The following PRPH2 variants were observed in gnomAD, a reference collection of about 807,000 sequenced individuals.
PRPH2 encodes the protein peripherin-2.
Under a neutral mutation model 31.3 loss-of-function variants are expected in PRPH2, and 17 were observed. The observed-to-expected ratio is 0.54, with a 90% CI of 0.37 to 0.81. The LOEUF (loss-of-function observed/expected upper bound fraction) is 0.81, where lower values mean the gene tolerates loss of function less well. Among genes scored for constraint, PRPH2 ranks in the 40% least tolerant of loss-of-function variants. PRPH2 has a pLI of 0.00. For synonymous variants in PRPH2, 165 were observed against 184.4 expected, an observed-to-expected ratio of 0.89 and a Z score of 0.85; for missense variants, 430 against 439.7, an observed-to-expected ratio of 0.98 and a Z score of 0.20.
Position 42,699,494 on chromosome 6 carries a change from C to T in PRPH2, c.829-987G>A, listed in dbSNP as rs570081207. On this transcript the variant is annotated intron_variant, in intron 2 of 2. Coordinates refer to ENST00000230381, the MANE Select transcript of PRPH2 (RefSeq NM_000322.5). ...GTTCAAACCCGGGCACTTAGCCAGC[C>T]GTGTGACCAGGAAACCTCACTTTAT... Among the ~76,000 whole-genome samples the T allele has an allele frequency of 9.1e-4, 139 of 152,192 alleles. 1 individual carries two copies. The highest frequency in any genetic ancestry group is 7.9e-4 in the Non-Finnish European group (54 of 68,034).
At position 42,721,927 on chromosome 6, in the gene PRPH2, G is replaced by T. The variant is rs148513859; in HGVS notation, c.408C>A (p.Asn136Lys). 6.2e-7 allele frequency: 1 copy of T among 1,614,156 alleles called. No individual in the cohort carries two copies. The highest frequency in any genetic ancestry group is 2.2e-5 in the East Asian group (1 of 44,886). The stretch of plus-strand genomic sequence containing the variant: ...CTGTGTCCCGGTAGTACTTCATGCC[G>T]TTCTTGAGCCCTTGGCCCAGGGTGT... The part of the protein sequence containing the change: ...LENTLGQGLK[N>K]GMKYYRDTDT... Residue 136 changes from asparagine (N) to lysine (K), a missense_variant, in exon 1 of 3, where the codon AAC becomes AAA. By Grantham distance (94) the Asn-to-Lys change is moderately conservative (BLOSUM62 0). Coordinates refer to ENST00000230381, the MANE Select transcript of PRPH2 (RefSeq NM_000322.5).
intron 1 of PRPH2, among the ~76,000 whole-genome samples, chr6:42,708,947 T>C (rs530590614): frequency 6.6e-6 from 1 of 152,116 alleles, no homozygotes; most frequent in South Asian, 2.1e-4. Context: ...CTTAGAGCCA[T>C]TGGATAAGAC....
In PRPH2 at chr6:42,722,291, T is replaced by C. The variant is rs555112175; in HGVS notation, c.44A>G (p.Lys15Arg). The part of the protein sequence containing the change: ...KVKFDQKKRV[K>R]LAQGLWLMNW... ...CATGAGCCAGAGCCCTTGGGCCAACTTGACCCGCTTCTTCTGGTCAAACTT... is the reference window on the plus strand; with the variant it reads ...CATGAGCCAGAGCCCTTGGGCCAACCTGACCCGCTTCTTCTGGTCAAACTT... The change falls in exon 1 of 3, where the codon AAG becomes AGG. Residue 15 changes from lysine to arginine, a missense_variant. Transcript: ENST00000230381. The surrounding 1 kb of genome is among the most constrained non-coding windows in gnomAD (Gnocchi z 4.4). 55 of 1,614,120 alleles carry C rather than the reference T, an allele frequency of 3.4e-5. No homozygotes were observed. In the East Asian group the frequency reaches 1.2e-3, roughly 36 times the overall value.
Position 42,722,480 on chromosome 6 carries a change from G to C in PRPH2, c.-146C>G. ...CTGCCCTGGGGGCTACCCATGTCGAGTCCCACTAGCCTGGGATCCCCGTGA... is the reference window on the plus strand; with the variant it reads ...CTGCCCTGGGGGCTACCCATGTCGACTCCCACTAGCCTGGGATCCCCGTGA... On this transcript the variant is annotated 5_prime_UTR_variant, in exon 1 of 3. Transcript: ENST00000230381. This position sits in a 1 kb window ranked among gnomAD's most constrained non-coding sequence, Gnocchi z 4.4. 6.6e-7 allele frequency: 1 copy of C among 1,517,026 alleles called. No homozygotes were observed. Among genetic ancestry groups the C allele is most frequent in the Non-Finnish European group, 8.8e-7 (1 of 1,137,890 alleles). The allele number at this position is 1,517,026 out of a possible 1,614,324, so 94.0% of individuals were successfully genotyped here.
intron 2 of PRPH2, among the ~76,000 whole-genome samples, chr6:42,702,270 C>T (rs1236552266): frequency 6.6e-6 from 1 of 150,940 alleles, no homozygotes; most frequent in African/African-American, 2.4e-5. Context: ...GCTTCCTGGA[C>T]ATACAGTCAC....
At position 42,704,547 on chromosome 6, in the gene PRPH2, G is replaced by C. The variant is rs61755805; in HGVS notation, c.646C>G (p.Pro216Ala). ...TGGATGCAGGGCCGTGGCGAGCTAG[G>C]ATTGCAGCAGCTGAAAGGGACGCCG... ...VDGVPFSCCN[P>A]SSPRPCIQYQ... The change falls in exon 2 of 3, where the codon CCT becomes GCT. Residue 216 changes from proline (P) to alanine (A), a missense_variant. Physicochemically the swap from Pro to Ala is conservative, Grantham distance 27. Transcript: ENST00000230381. 1 of 1,614,182 alleles carries C rather than the reference G, an allele frequency of 6.2e-7. No homozygotes were observed. Among genetic ancestry groups the C allele is most frequent in the South Asian group, 1.1e-5 (1 of 91,078 alleles).
At chr6:42,708,441 G>C (rs1322876906) in intron 1 of PRPH2, among the ~76,000 whole-genome samples, 1 of 152,224 alleles carries the variant, frequency 6.6e-6, no homozygotes, top group African/African-American at 2.4e-5. Context: ...AGTGGGGCAG[G>C]GGTGGGAAGA....
At chr6:42,714,254 A>C (rs751573727) in intron 1 of PRPH2, among the ~76,000 whole-genome samples, 16 of 152,180 alleles carry the variant, frequency 1.1e-4, no homozygotes, top group Non-Finnish European at 1.6e-4. Flanking sequence ...AAAAGGACAA[A>C]TGTTATATGA....
intron 2 of PRPH2, among the ~76,000 whole-genome samples, chr6:42,701,997 T>A (rs1459264978): frequency 6.6e-6 from 1 of 152,004 alleles, no homozygotes; most frequent in Non-Finnish European, 1.5e-5. Context: ...TCCCAGCACT[T>A]TAGGAGGCCG....
intron 2 of PRPH2, among the ~76,000 whole-genome samples, chr6:42,703,285 C>T (rs1299140149): frequency 2.0e-5 from 3 of 152,110 alleles, no homozygotes; most frequent in Non-Finnish European, 4.4e-5. Context: ...GCACACTCAC[C>T]GAGGATTTGC....
At chr6:42,710,391 C>T (rs1191031984) in intron 1 of PRPH2, among the ~76,000 whole-genome samples, 2 of 152,210 alleles carry the variant, frequency 1.3e-5, no homozygotes, top group Non-Finnish European at 2.9e-5. Context: ...GCTTGGTGAA[C>T]GTTGGGACCT....
chr6:42,716,540 C>T (rs1242021191), intron 1 of PRPH2, among the ~76,000 whole-genome samples: 1 of 151,704 alleles, frequency 6.6e-6, no homozygotes, highest in East Asian at 1.9e-4. Context: ...CCTCAGCTTC[C>T]CAAGTAGCAG....
chr6:42,709,762 T>G (rs1407392531), intron 1 of PRPH2, among the ~76,000 whole-genome samples: 1 of 152,130 alleles, frequency 6.6e-6, no homozygotes, highest in African/African-American at 2.4e-5. Flanking sequence ...TACAGGTCAC[T>G]GGTGGCCAAG....
At chr6:42,716,612 G>GTTTTTT (rs145765747) in intron 1 of PRPH2, among the ~76,000 whole-genome samples, 7 of 111,560 alleles carry the variant, frequency 6.3e-5, no homozygotes, top group Non-Finnish European at 7.1e-5. Flanking sequence ...GGTTTGGTTG[G>GTTTTTT]TTTTTTTTTT....
At chr6:42,704,766 T>G (rs1279264383) in intron 1 of PRPH2, among the ~76,000 whole-genome samples, 155 bp from the exon 2 acceptor site, 1 of 152,222 alleles carries the variant, frequency 6.6e-6, no homozygotes, top group African/African-American at 2.4e-5. Flanking sequence ...GTCACTGTTC[T>G]AGGCGCTGAA....
intron 1 of PRPH2, among the ~76,000 whole-genome samples, chr6:42,713,457 C>T (rs962063904): frequency 2.0e-5 from 3 of 152,118 alleles, no homozygotes; most frequent in African/African-American, 7.2e-5. Context: ...CCACAGGCGC[C>T]GCAGAGCCCG....
chr6:42,716,835 TTCTCAAACTCCTGACCTCAAGTGA>T (rs1761792293), intron 1 of PRPH2, among the ~76,000 whole-genome samples: 1 of 150,398 alleles, frequency 6.6e-6, no homozygotes, highest in African/African-American at 2.4e-5. Flanking sequence ...GGTCAGGCTG[TTCTCAAACTCCTGACCTCAAGTGA>T]TCCACCCGCC....
At chr6:42,707,875 A>G (rs1007911750) in intron 1 of PRPH2, among the ~76,000 whole-genome samples, 2 of 152,184 alleles carry the variant, frequency 1.3e-5, no homozygotes, top group African/African-American at 4.8e-5. Context: ...CAGATCGGTG[A>G]CAAGAGCCGG....
chr6:42,711,398 G>A (rs1405572409), intron 1 of PRPH2, among the ~76,000 whole-genome samples: 1 of 152,224 alleles, frequency 6.6e-6, no homozygotes. Flanking sequence ...GGTGAGGGGT[G>A]ACATGAGGAG....
Sources: gnomAD v4.1 joint callset for allele counts (sites outside exome capture counted in the v4.1 genomes callset) on GRCh38, gnomAD v4.1.1 for gene constraint, Gnocchi (gnomAD v3.1) non-coding constraint, MANE v1.5 for transcripts, NCBI Gene and HGNC (gene_info 2026-07-23, HGNC 2026-07-21) for gene names.